The following FRYL variants were observed in gnomAD, a reference collection of about 807,000 sequenced individuals.
FRYL encodes protein furry homolog-like.
A neutral mutation model predicts 351.2 loss-of-function variants in FRYL; 150 were observed. The observed-to-expected ratio is 0.43, with a 90% CI of 0.37 to 0.49. The LOEUF (loss-of-function observed/expected upper bound fraction) is 0.49, where lower values mean the gene tolerates loss of function less well. Ranked by LOEUF, FRYL falls within the 20% of genes least tolerant of loss-of-function variation. The probability of loss-of-function intolerance (pLI) is 0.00; values close to 1 mark genes in which losing one functional copy is unlikely to be tolerated. For missense variants in FRYL, 3,036 were observed against 3,619.3 expected (o/e 0.84, Z 4.13); for synonymous variants, 1,153 against 1,257.1 (o/e 0.92, Z 1.75).
chr4:48,625,842 T>C (rs1751683126), intron 4 of FRYL, among the ~76,000 whole-genome samples: 1 of 152,058 alleles, frequency 6.6e-6, no homozygotes, highest in Non-Finnish European at 1.5e-5. Context: ...GAATAACAGA[T>C]AAAAGGAAAG....
At chr4:48,515,579 A>G (rs370312637) in intron 55 of FRYL, among the ~76,000 whole-genome samples, 15 of 151,890 alleles carry the variant, frequency 9.9e-5, no homozygotes, top group East Asian at 7.7e-4. Context: ...TCACCATGTT[A>G]GCCAGGATGG....
intron 1 of FRYL, among the ~76,000 whole-genome samples, chr4:48,726,624 G>A (rs1376742549): frequency 6.6e-6 from 1 of 152,194 alleles, no homozygotes; most frequent in Non-Finnish European, 1.5e-5. Context: ...AGAGGTTGCA[G>A]TGAGCCGAGA....
chr4:48,515,220 G>C lies in FRYL; in HGVS notation c.7745C>G (p.Ser2582Cys), dbSNP rs774693523. 3 of 1,611,416 alleles carry C rather than the reference G, an allele frequency of 1.9e-6. No homozygotes were observed. Among genetic ancestry groups the C allele is most frequent in the Admixed American group, 1.7e-5 (1 of 59,994 alleles). ...TTCCTGCTGTTCTTGAATTATATAG[G>C]ATCCTTCATCTTCAAAGGTTGTAAC... is the stretch of plus-strand genomic sequence containing the variant. ...EHVTTFEDEG[S>C]YIIQEQQESL... The change falls in exon 56 of 64, where the codon TCC becomes TGC. Residue 2582 changes from serine (S) to cysteine (C), a missense_variant. Ser to Cys is a moderately radical substitution (Grantham distance 112). Coordinates refer to ENST00000358350, the MANE Select transcript of FRYL (RefSeq NM_015030.2).
intron 59 of FRYL, among the ~76,000 whole-genome samples, chr4:48,507,881 G>GC (rs1317550509): frequency 1.3e-5 from 2 of 152,172 alleles, no homozygotes; most frequent in African/African-American, 4.8e-5. Context: ...CCACACAGCA[G>GC]CCCCTGGGAG....
chr4:48,718,359 G>A lies in FRYL; in HGVS notation c.-383-7661C>T, dbSNP rs1769098555. On this transcript the variant is annotated intron_variant, in intron 1 of 63. Transcript: ENST00000358350. ...ACATCAAAAGACTGGTGAAATATAA[G>A]CATTCATACACGTATAAATATTTAA... Among the ~76,000 whole-genome samples, 2 of 151,422 alleles carry A rather than the reference G, an allele frequency of 1.3e-5. 1 individual carries two copies. Among genetic ancestry groups the A allele is most frequent in the Non-Finnish European group, 3.0e-5 (2 of 67,790 alleles).
Position 48,575,114 on chromosome 4 carries a change from T to C in FRYL, c.2846+3A>G, listed in dbSNP as rs757497747. The C allele has an allele frequency of 2.5e-6, 4 of 1,613,014 alleles. No homozygotes were observed. The highest frequency in any genetic ancestry group is 3.4e-6 in the Non-Finnish European group (4 of 1,179,172). On this transcript the variant is annotated splice_donor_region_variant and intron_variant, in intron 25 of 63. Transcript: ENST00000358350. ...CATAGAAAAAATGTACGAACATAGT[T>C]ACCTAAAAGCTCCTGGGTTGGTCCT...
At chr4:48,506,163 G>GTTAT (rs1009025806) in intron 59 of FRYL, 5 of 152,056 alleles carry the variant, frequency 3.3e-5, no homozygotes, top group South Asian at 2.1e-4. Flanking sequence ...AAACAAACAT[G>GTTAT]TTATTTATTT....
chr4:48,712,443 C>T lies in FRYL; in HGVS notation c.-383-1745G>A, dbSNP rs561379842. Among the ~76,000 whole-genome samples, 451 of 152,000 alleles carry T rather than the reference C, an allele frequency of 3.0e-3. 1 individual carries two copies. Among genetic ancestry groups the T allele is most frequent in the African/African-American group, 0.01 (422 of 41,456 alleles). ...AATGCAGAAGCCTCAAGAGCCGATG[C>T]GATCAACTGGAAGAAAGGGTATCAG... On this transcript the variant is annotated intron_variant, in intron 1 of 63. Transcript: ENST00000358350.
chr4:48,528,363 T>C lies in FRYL; in HGVS notation c.6904-27A>G, dbSNP rs1309503589. 5 of 1,567,840 alleles carry C rather than the reference T, an allele frequency of 3.2e-6. No homozygotes were observed. The South Asian group carries it at 6.0e-5, about 19-fold the overall frequency. On this transcript the variant is annotated intron_variant, in intron 50 of 63. Coordinates refer to ENST00000358350, the MANE Select transcript of FRYL (RefSeq NM_015030.2). Reference sequence around the variant, plus strand: ...TACACAGAAACAAAATGTCAGTGTTTGGCTCAAATATTTCAACATAAAAGA... The same window carrying C: ...TACACAGAAACAAAATGTCAGTGTTCGGCTCAAATATTTCAACATAAAAGA...
In FRYL at chr4:48,567,760, A is replaced by G. The variant is rs1420232977; in HGVS notation, c.2997-340T>C. Among the ~76,000 whole-genome samples, 1 of 152,242 alleles carries G rather than the reference A, an allele frequency of 6.6e-6. No homozygotes were observed. The highest frequency in any genetic ancestry group is 1.5e-5 in the Non-Finnish European group (1 of 68,044). ...ATGAAATGGGGAGGATCAGTTTAGAAAAGTAGAAAGAGGAAAGACTAGTTC... is the reference window on the plus strand; with the variant it reads ...ATGAAATGGGGAGGATCAGTTTAGAGAAGTAGAAAGAGGAAAGACTAGTTC... On this transcript the variant is annotated intron_variant, in intron 27 of 63. Transcript: ENST00000358350. This position sits in a 1 kb window ranked among gnomAD's most constrained non-coding sequence, Gnocchi z 4.2.
At chr4:48,730,665 A>G (rs890438192) in intron 1 of FRYL, among the ~76,000 whole-genome samples, 42 of 152,220 alleles carry the variant, frequency 2.8e-4, no homozygotes, top group African/African-American at 9.2e-4. Context: ...AAAATCCTTT[A>G]CAGACAAGCA....
At chr4:48,581,005 G>C in intron 21 of FRYL, 54 bp from the exon 22 acceptor site, 2 of 1,109,954 alleles carry the variant, frequency 1.8e-6, no homozygotes, top group Non-Finnish European at 2.6e-6. Context: ...AAGCAAAGTA[G>C]CCAAACCCAA....
At chr4:48,759,754 C>T (rs1332162753) in intron 1 of FRYL, among the ~76,000 whole-genome samples, 1 of 152,142 alleles carries the variant, frequency 6.6e-6, no homozygotes, top group African/African-American at 2.4e-5. Flanking sequence ...TCTGGTCTTG[C>T]TGGTTCTGAC....
intron 3 of FRYL, among the ~76,000 whole-genome samples, chr4:48,665,874 T>G (rs1259845121): frequency 6.6e-6 from 1 of 152,200 alleles, no homozygotes; most frequent in Non-Finnish European, 1.5e-5. Flanking sequence ...CTTGCCTTGT[T>G]TCCTAAATTG....
chr4:48,689,671 G>A (rs148437180), intron 2 of FRYL, among the ~76,000 whole-genome samples: 61 of 152,244 alleles, frequency 4.0e-4, no homozygotes, highest in African/African-American at 1.2e-3. Context: ...CTATCCTTGC[G>A]GAGTTTACAT....
chr4:48,509,632 T>C (rs534020407), intron 59 of FRYL, among the ~76,000 whole-genome samples: 2 of 152,284 alleles, frequency 1.3e-5, no homozygotes, highest in Non-Finnish European at 2.9e-5. Context: ...AAGCCTTTCT[T>C]AGGAGGTAAT....
intron 19 of FRYL, 36 bp downstream of exon 19, chr4:48,586,585 C>T: frequency 7.4e-7 from 1 of 1,348,360 alleles, no homozygotes; most frequent in Non-Finnish European, 1.1e-6. Flanking sequence ...GAGCAGAAGA[C>T]ATAAAACAAT....
chr4:48,611,468 T>G (rs1463880052), intron 7 of FRYL, among the ~76,000 whole-genome samples: 4 of 152,122 alleles, frequency 2.6e-5, no homozygotes, highest in African/African-American at 4.8e-5. Flanking sequence ...GGTCTATTTT[T>G]GAGCTCTCCA....
intron 33 of FRYL, among the ~76,000 whole-genome samples, chr4:48,560,617 C>T (rs970219285): frequency 4.6e-5 from 7 of 151,994 alleles, no homozygotes; most frequent in Admixed American, 6.5e-5. Flanking sequence ...TCACGGCGGC[C>T]GCTATTTTGT....
Sources: allele counts gnomAD v4.1 joint callset (sites outside exome capture counted in the v4.1 genomes callset), GRCh38; gene constraint gnomAD v4.1.1; non-coding constraint Gnocchi (gnomAD v3.1); transcripts MANE v1.5; gene names NCBI Gene and HGNC (gene_info 2026-07-23, HGNC 2026-07-21).